SHANK2: variants seen among roughly 807,000 people sequenced by gnomAD.
The protein encoded by SHANK2 is SH3 and multiple ankyrin repeat domains protein 2.
A neutral mutation model predicts 133.7 loss-of-function variants in SHANK2; 43 were observed. That is an observed-to-expected ratio of 0.32 (90% CI 0.25 to 0.41). The LOEUF (loss-of-function observed/expected upper bound fraction) is 0.41, where lower values mean the gene tolerates loss of function less well. Ranked by LOEUF, SHANK2 falls within the 10% of genes least tolerant of loss-of-function variation. The probability of loss-of-function intolerance (pLI) is 1.00; values close to 1 mark genes in which losing one functional copy is unlikely to be tolerated. For missense variants in SHANK2, 1,994 were observed against 2,235.8 expected (o/e 0.89, Z 2.18); for synonymous variants, 1,017 against 952.8 (o/e 1.07, Z -1.24).
At position 70,739,082 on chromosome 11, in the gene SHANK2, A is replaced by G. The variant is rs1176003056; in HGVS notation, c.1778-40319T>C. ...GCTGCATATCCCACCATCTGGCCCC[A>G]TTGTCTGGGGACAGGACACACTCCA... is the stretch of plus-strand genomic sequence containing the variant. On this transcript the variant is annotated intron_variant, in intron 14 of 25. Coordinates refer to ENST00000601538, the MANE Select transcript of SHANK2 (RefSeq NM_012309.5). This position sits in a 1 kb window ranked among gnomAD's most constrained non-coding sequence, Gnocchi z 4.3. Among the ~76,000 whole-genome samples the G allele has an allele frequency of 1.3e-5, 2 of 152,116 alleles. No homozygotes were observed. The highest frequency in any genetic ancestry group is 2.9e-5 in the Non-Finnish European group (2 of 68,020).
chr11:71,218,756 G>T (rs1954471551), intron 2 of SHANK2, among the ~76,000 whole-genome samples: 1 of 152,160 alleles, frequency 6.6e-6, no homozygotes, highest in Admixed American at 6.5e-5. Context: ...CCCTGAACCA[G>T]ACACAAGTTG....
chr11:70,502,174 CTG>C (rs782538498), intron 19 of SHANK2, 30 bp downstream of exon 19: 1 of 1,549,744 alleles, frequency 6.5e-7, no homozygotes, highest in South Asian at 1.2e-5. Flanking sequence ...GGCATGGTGA[CTG>C]TACAGGGCTG....
At chr11:70,491,975 C>G (rs190024811) in intron 22 of SHANK2, among the ~76,000 whole-genome samples, 2 of 152,208 alleles carry the variant, frequency 1.3e-5, no homozygotes, top group African/African-American at 4.8e-5. Context: ...TCTTCCACAC[C>G]GGAGCATTTC....
chr11:70,879,417 C>T lies in SHANK2; in HGVS notation c.1174+17084G>A, dbSNP rs141248597. Among the ~76,000 whole-genome samples the T allele has an allele frequency of 2.5e-3, 377 of 152,312 alleles. 8 individuals are homozygous for T. Among genetic ancestry groups the T allele is most frequent in the Admixed American group, 2.6e-3 (40 of 15,294 alleles). On this transcript the variant is annotated intron_variant, in intron 11 of 25. Transcript: ENST00000601538. ...GGACTCTCGATTCTCTGTCTGAATT[C>T]GGGCTCAGCTCAAAAGAGGGTCTCA...
chr11:70,811,845 T>C (rs1486849817), intron 12 of SHANK2, among the ~76,000 whole-genome samples: 2 of 151,926 alleles, frequency 1.3e-5, no homozygotes, highest in Non-Finnish European at 2.9e-5. Flanking sequence ...TCCATGCATC[T>C]ACCCATCCAC....
chr11:70,485,659 G>A lies in SHANK2; in HGVS notation c.4634C>T (p.Pro1545Leu). 1 of 1,614,106 alleles carries A rather than the reference G, an allele frequency of 6.2e-7. No homozygotes were observed. The highest frequency in any genetic ancestry group is 8.5e-7 in the Non-Finnish European group (1 of 1,180,028). The change falls in exon 25 of 26, where the codon CCA becomes CTA. Residue 1545 changes from proline (P) to leucine (L), a missense_variant. By Grantham distance (98) the Pro-to-Leu change is moderately conservative. Coordinates refer to ENST00000601538, the MANE Select transcript of SHANK2 (RefSeq NM_012309.5). The surrounding 1 kb of genome is among the most constrained non-coding windows in gnomAD (Gnocchi z 5.8). Reference sequence around the variant, plus strand: ...CTTCATTTTTGGCTTAGGAGGTACTGGGGGTTTGTCAACCATAAATGCTTG... The same window carrying A: ...CTTCATTTTTGGCTTAGGAGGTACTAGGGGTTTGTCAACCATAAATGCTTG... ...DGQAFMVDKP[P>L]VPPKPKMKPI...
intron 2 of SHANK2, among the ~76,000 whole-genome samples, chr11:71,148,505 G>A (rs1952699652): frequency 6.6e-6 from 1 of 152,206 alleles, no homozygotes; most frequent in Non-Finnish European, 1.5e-5. Flanking sequence ...GATAAAAGTT[G>A]GCTTGACCCA....
chr11:70,657,977 G>C (rs1034554898), intron 17 of SHANK2, among the ~76,000 whole-genome samples: 1 of 152,116 alleles, frequency 6.6e-6, no homozygotes, highest in African/African-American at 2.4e-5. Flanking sequence ...GCCCACACAC[G>C]TGCCTCAGCA....
intron 2 of SHANK2, among the ~76,000 whole-genome samples, chr11:71,152,551 C>T (rs570666206): frequency 2.6e-5 from 4 of 152,362 alleles, no homozygotes; most frequent in East Asian, 3.9e-4. Context: ...ACAGCCCCCG[C>T]TGCTGCCGGC....
At chr11:71,251,811 C>A (rs900759334) in intron 1 of SHANK2, among the ~76,000 whole-genome samples, 26 of 151,278 alleles carry the variant, frequency 1.7e-4, no homozygotes, top group Non-Finnish European at 1.9e-4. Flanking sequence ...CCGGCCTCTC[C>A]GCGACAGCTG....
intron 15 of SHANK2, among the ~76,000 whole-genome samples, chr11:70,665,248 C>T (rs1944657373): frequency 6.6e-6 from 1 of 152,196 alleles, no homozygotes; most frequent in African/African-American, 2.4e-5. Context: ...GTACGTGATC[C>T]TCCTACCTCA....
intron 11 of SHANK2, among the ~76,000 whole-genome samples, chr11:70,878,805 C>T (rs915440427): frequency 3.9e-5 from 6 of 152,308 alleles, no homozygotes; most frequent in Non-Finnish European, 5.9e-5. Context: ...CTAACTCCTA[C>T]GAGCTTGTTC....
chr11:70,673,619 G>A (rs1269530995), intron 15 of SHANK2, among the ~76,000 whole-genome samples: 2 of 152,274 alleles, frequency 1.3e-5, no homozygotes, highest in Admixed American at 1.3e-4. Context: ...GCTTTGTAGG[G>A]AAGGCTGATT....
At chr11:70,904,073 C>A (rs1950063161) in intron 10 of SHANK2, among the ~76,000 whole-genome samples, 1 of 152,206 alleles carries the variant, frequency 6.6e-6, no homozygotes, top group Non-Finnish European at 1.5e-5. Flanking sequence ...CTTGCACCCA[C>A]CCCATCAAGG....
At chr11:70,484,785 T>A (rs974075887) in intron 25 of SHANK2, among the ~76,000 whole-genome samples, 3 of 151,976 alleles carry the variant, frequency 2.0e-5, no homozygotes, top group Non-Finnish European at 2.9e-5. Context: ...GCACTTAGAG[T>A]TCACCAGTAC....
chr11:70,716,361 G>A (rs1292385101), intron 14 of SHANK2, among the ~76,000 whole-genome samples: 4 of 152,186 alleles, frequency 2.6e-5, no homozygotes, highest in African/African-American at 9.7e-5. Flanking sequence ...GGGGCGGGAG[G>A]ATTCTTTTTA....
At position 70,473,234 on chromosome 11, in the gene SHANK2, C is replaced by T. The variant is rs781786453; in HGVS notation, c.5185G>A (p.Ala1729Thr). 1.9e-4 allele frequency: 307 copies of T among 1,610,096 alleles called. No homozygotes were observed. Among genetic ancestry groups the T allele is most frequent in the Admixed American group, 5.2e-4 (31 of 59,940 alleles). The change falls in exon 26 of 26, where the codon GCC (alanine) becomes ACC (threonine). Residue 1729 changes from alanine to threonine, a missense_variant. Physicochemically the swap from Ala to Thr is moderately conservative, Grantham distance 58. This residue lies in a region of SHANK2 where 797 missense variants were observed against 907.4 expected (regional missense o/e 0.88). Transcript: ENST00000601538. This position sits in a 1 kb window ranked among gnomAD's most constrained non-coding sequence, Gnocchi z 5.9. ...AGAGCGGGAGAAGGAGAGGCGGTGG[C>T]AGCAGACAGGGGGGCGGGCAGGGTC... ...KETLPAPLSA[A>T]TASPSPALSD...
At chr11:70,702,202 T>C (rs1266239082) in intron 14 of SHANK2, among the ~76,000 whole-genome samples, 1 of 147,274 alleles carries the variant, frequency 6.8e-6, no homozygotes, top group Non-Finnish European at 1.5e-5. Context: ...ACCACCATCA[T>C]CACCACTATC....
chr11:71,094,025 A>G (rs1014639241), intron 7 of SHANK2, among the ~76,000 whole-genome samples: 2 of 152,056 alleles, frequency 1.3e-5, no homozygotes, highest in Admixed American at 6.6e-5. Flanking sequence ...ACAACAGGGC[A>G]GGCTCCCACG....
Sources: allele counts gnomAD v4.1 joint callset (sites outside exome capture counted in the v4.1 genomes callset), GRCh38; gene constraint gnomAD v4.1.1; regional missense constraint gnomAD v4.1.1; non-coding constraint Gnocchi (gnomAD v3.1); transcripts MANE v1.5; gene names NCBI Gene and HGNC (gene_info 2026-07-23, HGNC 2026-07-21).